The following SYTL5 variants were observed in gnomAD, a reference collection of about 807,000 sequenced individuals.
SYTL5 encodes synaptotagmin-like protein 5.
SYTL5 carries 34 observed loss-of-function variants against 55.9 expected under a neutral mutation model. The observed-to-expected ratio is 0.61, with a 90% CI of 0.46 to 0.81. The LOEUF (loss-of-function observed/expected upper bound fraction) is 0.81, where lower values mean the gene tolerates loss of function less well. Ranked by LOEUF, SYTL5 falls within the 30% of genes least tolerant of loss-of-function variation. The pLI is 0.00. For missense variants in SYTL5, 637 were observed against 546.7 expected (o/e 1.17, Z -1.65); for synonymous variants, 221 against 188.7 (o/e 1.17, Z -1.40).
chrX:37,946,473 C>A, the SYTL5 span: 2 of 247,481 alleles, frequency 8.1e-6, no homozygotes, highest in Non-Finnish European at 7.8e-6. Flanking sequence ...AATTCTAATT[C>A]TTGGAACTGG....
rs957057348 is a variant in SYTL5 at position 38,014,109 on chromosome X, G to A, written c.-357+7441G>A. ...ACACTGTCATAATAAAACTCTTTTG[G>A]TATGTACAAGTGTGTACCCTCCAAA... On this transcript the variant is annotated intron_variant, in intron 1 of 16. Coordinates refer to ENST00000297875, the MANE Select transcript of SYTL5 (RefSeq NM_138780.3). Among the ~76,000 whole-genome samples, 3 of 112,217 alleles carry A rather than the reference G, an allele frequency of 2.7e-5. No individual in the cohort carries two copies. In the South Asian group the frequency reaches 1.1e-3, roughly 41 times the overall value.
chrX:38,089,867 G>A (rs181926451), intron 7 of SYTL5, among the ~76,000 whole-genome samples: 1 of 111,632 alleles, frequency 9.0e-6, no homozygotes, highest in South Asian at 3.8e-4. Flanking sequence ...CCCTCAACAC[G>A]TGGAGATTGT....
At chrX:38,025,570 C>T (rs1460751616) in intron 1 of SYTL5, among the ~76,000 whole-genome samples, 1 of 111,762 alleles carries the variant, frequency 8.9e-6, no homozygotes, top group East Asian at 2.8e-4. Context: ...TAGCATAGTT[C>T]AACAAAGTTA....
At chrX:38,063,373 C>T (rs753286815) in intron 3 of SYTL5, among the ~76,000 whole-genome samples, 1 of 111,610 alleles carries the variant, frequency 9.0e-6, no homozygotes, top group Non-Finnish European at 1.9e-5. Flanking sequence ...AGTGCCTCCA[C>T]GCTTGTATAG....
the SYTL5 span, among the ~76,000 whole-genome samples, chrX:37,995,263 G>A: frequency 9.0e-6 from 1 of 111,508 alleles, no homozygotes; most frequent in Non-Finnish European, 1.9e-5. Context: ...CTTTATTCAG[G>A]ATAACAAAGG....
chrX:37,907,996 G>C, the SYTL5 span, among the ~76,000 whole-genome samples: 1 of 110,244 alleles, frequency 9.1e-6, no homozygotes, highest in Non-Finnish European at 1.9e-5. Flanking sequence ...ATGTGCCTGT[G>C]GTCCCAGCTA....
chrX:37,977,806 A>ACTC, the SYTL5 span, among the ~76,000 whole-genome samples: 1 of 109,344 alleles, frequency 9.1e-6, no homozygotes, highest in Non-Finnish European at 1.9e-5. Flanking sequence ...GAGTAGGGTG[A>ACTC]CTCACAAGCA....
At chrX:38,037,132 A>T (rs1190319956) in intron 2 of SYTL5, among the ~76,000 whole-genome samples, 2 of 111,915 alleles carry the variant, frequency 1.8e-5, no homozygotes, top group Non-Finnish European at 3.8e-5. Flanking sequence ...TGCCAGGTAA[A>T]CTTGAGTGTT....
the SYTL5 span, among the ~76,000 whole-genome samples, chrX:37,968,045 T>G: frequency 1.8e-3 from 198 of 110,322 alleles, 1 homozygote; most frequent in African/African-American, 6.1e-3. Flanking sequence ...CTCACTTTAT[T>G]TATGCATTCT....
the SYTL5 span, among the ~76,000 whole-genome samples, chrX:37,945,561 T>C: frequency 9.0e-6 from 1 of 111,035 alleles, no homozygotes; most frequent in African/African-American, 3.3e-5. Context: ...ATAGACCTGA[T>C]CTCCACTGTT....
At chrX:38,022,141 T>A (rs964789574) in intron 1 of SYTL5, among the ~76,000 whole-genome samples, 1 of 112,648 alleles carries the variant, frequency 8.9e-6, no homozygotes, top group Non-Finnish European at 1.9e-5. Context: ...AATTTCTAAA[T>A]GCTTATTCTT....
At chrX:37,981,579 G>A in the SYTL5 span, among the ~76,000 whole-genome samples, 2 of 111,545 alleles carry the variant, frequency 1.8e-5, no homozygotes, top group African/African-American at 6.5e-5. Flanking sequence ...TTATAGGCAT[G>A]AGCCACCGCG....
At chrX:37,892,164 T>C in the SYTL5 span, among the ~76,000 whole-genome samples, 1 of 110,265 alleles carries the variant, frequency 9.1e-6, no homozygotes, top group Non-Finnish European at 1.9e-5. Flanking sequence ...AAGCCATAGG[T>C]ATACCTGGGA....
the SYTL5 span, among the ~76,000 whole-genome samples, chrX:37,965,977 C>T: frequency 1.8e-5 from 2 of 112,234 alleles, no homozygotes; most frequent in African/African-American, 6.5e-5. Flanking sequence ...CACTTTCAAC[C>T]TATTTGTGTA....
the SYTL5 span, among the ~76,000 whole-genome samples, chrX:37,920,880 A>G: frequency 3.4e-4 from 38 of 111,534 alleles, no homozygotes; most frequent in Admixed American, 9.5e-5. Flanking sequence ...AATTCCTTGC[A>G]TTTACCTGGA....
rs1937684824 is a variant in SYTL5 at position 38,127,466 on chromosome X, C to T, written c.*736C>T. 2 of 111,677 alleles carry T rather than the reference C, an allele frequency of 1.8e-5. No individual in the cohort carries two copies. Among genetic ancestry groups the T allele is most frequent in the African/African-American group, 6.5e-5 (2 of 30,692 alleles). The allele number at this position is 111,677 out of a possible 1,213,427, so 9.2% of individuals were successfully genotyped here. A position where few individuals can be genotyped will look rare whatever the true frequency, so the allele number is the denominator to read the frequency against. On this transcript the variant is annotated 3_prime_UTR_variant, in exon 17 of 17. Transcript: ENST00000297875. ...ATTTATTTTATAAAATGTTCTAAGCCATTAACTAAAAGGAAATGAGATATA... is the reference window on the plus strand; with the variant it reads ...ATTTATTTTATAAAATGTTCTAAGCTATTAACTAAAAGGAAATGAGATATA...
At chrX:38,052,418 G>A (rs1285764883) in intron 2 of SYTL5, among the ~76,000 whole-genome samples, 1 of 111,801 alleles carries the variant, frequency 8.9e-6, no homozygotes, top group African/African-American at 3.3e-5. Flanking sequence ...TACTATAAGT[G>A]CTTGTTGGAT....
intron 9 of SYTL5, among the ~76,000 whole-genome samples, chrX:38,098,605 A>G (rs1419099859): frequency 9.0e-6 from 1 of 110,694 alleles, no homozygotes; most frequent in East Asian, 2.8e-4. Flanking sequence ...GTAATGAAAA[A>G]TGCTACCTAC....
chrX:38,045,270 G>A (rs780268930), intron 2 of SYTL5, among the ~76,000 whole-genome samples: 4 of 112,203 alleles, frequency 3.6e-5, no homozygotes, highest in Admixed American at 2.8e-4. Flanking sequence ...GAATGCTTGA[G>A]TCATTGTCCC....
Sources: gnomAD v4.1 joint callset for allele counts (sites outside exome capture counted in the v4.1 genomes callset) on GRCh38, gnomAD v4.1.1 for gene constraint, MANE v1.5 for transcripts, NCBI Gene and HGNC (gene_info 2026-07-23, HGNC 2026-07-21) for gene names.